The following MAGI2 variants were observed in gnomAD, a reference collection of about 807,000 sequenced individuals.
The protein encoded by MAGI2 is membrane associated guanylate kinase, WW and PDZ domain containing 2.
A neutral mutation model predicts 133.3 loss-of-function variants in MAGI2; 35 were observed. The observed-to-expected ratio is 0.26, with a 90% confidence interval of 0.20 to 0.35. The LOEUF (loss-of-function observed/expected upper bound fraction) is 0.35. MAGI2 is among the 10% of genes least tolerant of loss of function. The probability of loss-of-function intolerance (pLI) is 1.00; values close to 1 mark genes in which losing one functional copy is unlikely to be tolerated. For missense variants in MAGI2, 1,636 were observed against 1,863.4 expected (o/e 0.88, Z 2.25); for synonymous variants, 729 against 710.6 (o/e 1.03, Z -0.41).
chr7:79,178,179 T>C (rs896792397), intron 1 of MAGI2, among the ~76,000 whole-genome samples: 1 of 152,014 alleles, frequency 6.6e-6, no homozygotes, highest in African/African-American at 2.4e-5. Context: ...CCTTATTTTG[T>C]ACTGGCTACA....
chr7:78,847,039 A>G (rs564796865), intron 2 of MAGI2, among the ~76,000 whole-genome samples: 20 of 152,124 alleles, frequency 1.3e-4, no homozygotes, highest in African/African-American at 4.8e-4. Context: ...TGCTATTTAT[A>G]ATTGACATTC....
At chr7:78,788,752 C>T (rs1387287824) in intron 2 of MAGI2, among the ~76,000 whole-genome samples, 3 of 152,148 alleles carry the variant, frequency 2.0e-5, no homozygotes, top group Admixed American at 6.5e-5. Context: ...CTAATAACTC[C>T]GTTTAAGTCC....
chr7:78,854,672 A>G (rs1793471842), intron 2 of MAGI2, among the ~76,000 whole-genome samples: 1 of 150,078 alleles, frequency 6.7e-6, no homozygotes, highest in Admixed American at 6.6e-5. Flanking sequence ...TTATTACAAG[A>G]TATTTTATTA....
chr7:79,304,773 G>A (rs991976701), intron 1 of MAGI2, among the ~76,000 whole-genome samples: 11 of 152,204 alleles, frequency 7.2e-5, no homozygotes, highest in Non-Finnish European at 1.0e-4. Context: ...ATCTCTTAGT[G>A]GGGCAAAGCC....
intron 9 of MAGI2, among the ~76,000 whole-genome samples, chr7:78,293,306 T>C (rs1190610326): frequency 2.0e-5 from 3 of 152,162 alleles, no homozygotes; most frequent in Non-Finnish European, 2.9e-5. Flanking sequence ...AAGGAAGACA[T>C]TTATGCAGCC....
intron 1 of MAGI2, among the ~76,000 whole-genome samples, chr7:79,279,070 A>G (rs1048493123): frequency 6.6e-5 from 10 of 152,074 alleles, no homozygotes; most frequent in African/African-American, 1.4e-4. Context: ...TTGCTGCTCA[A>G]TCTAAAGGAA....
At chr7:78,964,682 T>C (rs1803153596) in intron 2 of MAGI2, among the ~76,000 whole-genome samples, 1 of 152,062 alleles carries the variant, frequency 6.6e-6, no homozygotes, top group African/African-American at 2.4e-5. Context: ...TAATTTTTAG[T>C]ATCTTGTTGA....
At chr7:78,365,520 G>A (rs1234676731) in intron 7 of MAGI2, among the ~76,000 whole-genome samples, 1 of 152,128 alleles carries the variant, frequency 6.6e-6, no homozygotes, top group Middle Eastern at 3.2e-3. Context: ...TCTTTAGCCA[G>A]GGTTTCCTCA....
intron 10 of MAGI2, among the ~76,000 whole-genome samples, chr7:78,222,546 A>G (rs930770519): frequency 2.0e-5 from 3 of 152,212 alleles, no homozygotes; most frequent in Admixed American, 2.0e-4. Flanking sequence ...TCACACAGTC[A>G]CTAGGTGGCA....
chr7:78,685,631 A>G (rs953173815), intron 2 of MAGI2, among the ~76,000 whole-genome samples: 3 of 141,228 alleles, frequency 2.1e-5, no homozygotes, highest in Non-Finnish European at 4.6e-5. Flanking sequence ...GTCATTATAT[A>G]TACGTAACCT....
At chr7:78,827,816 C>T (rs1334997110) in intron 2 of MAGI2, among the ~76,000 whole-genome samples, 1 of 152,056 alleles carries the variant, frequency 6.6e-6, no homozygotes, top group Non-Finnish European at 1.5e-5. Flanking sequence ...CAACTATATA[C>T]AGAAGAATTC....
chr7:79,425,877 C>T (rs1041334919), intron 1 of MAGI2, among the ~76,000 whole-genome samples: 5 of 151,986 alleles, frequency 3.3e-5, no homozygotes, highest in African/African-American at 1.2e-4. Flanking sequence ...AAGCATTGTG[C>T]AGATTGTTTA....
At chr7:78,746,820 C>A (rs149422203) in intron 2 of MAGI2, among the ~76,000 whole-genome samples, 1 of 152,214 alleles carries the variant, frequency 6.6e-6, no homozygotes, top group East Asian at 1.9e-4. Context: ...CTTCCCACCC[C>A]CAATTCTCTC....
chr7:78,317,809 G>A (rs949221427), intron 9 of MAGI2, among the ~76,000 whole-genome samples: 21 of 152,328 alleles, frequency 1.4e-4, no homozygotes, highest in African/African-American at 3.6e-4. Flanking sequence ...AGCAATCTTC[G>A]CTGTTCTGTA....
At chr7:79,032,999 A>C (rs1486533198) in intron 1 of MAGI2, among the ~76,000 whole-genome samples, 1 of 152,122 alleles carries the variant, frequency 6.6e-6, no homozygotes, top group Non-Finnish European at 1.5e-5. Flanking sequence ...TAAGTACATG[A>C]GTTGTCCAAA....
chr7:79,336,409 GATCT>G (rs1313699910), intron 1 of MAGI2, among the ~76,000 whole-genome samples: 1 of 151,810 alleles, frequency 6.6e-6, no homozygotes, highest in Non-Finnish European at 1.5e-5. Context: ...AAACTAGGAT[GATCT>G]ATCTAACAAT....
At chr7:78,633,635 G>A (rs906994305) in intron 2 of MAGI2, among the ~76,000 whole-genome samples, 2 of 151,362 alleles carry the variant, frequency 1.3e-5, no homozygotes, top group African/African-American at 4.9e-5. Context: ...GAACCCGGAA[G>A]GCGGAGCTTG....
intron 3 of MAGI2, among the ~76,000 whole-genome samples, chr7:78,550,890 C>T (rs1479430411): frequency 2.0e-5 from 3 of 150,922 alleles, no homozygotes; most frequent in Admixed American, 1.3e-4. Flanking sequence ...TTATACAGAA[C>T]TTCTTCTAAG....
chr7:79,010,098 T>TATATATACAC (rs1446898120), intron 1 of MAGI2, among the ~76,000 whole-genome samples: 8 of 152,078 alleles, frequency 5.3e-5, no homozygotes, highest in Non-Finnish European at 1.2e-4. Context: ...TTTGTGTATG[T>TATATATACAC]ATATATACAC....
Sources: gnomAD v4.1 joint callset for allele counts (sites outside exome capture counted in the v4.1 genomes callset) on GRCh38, gnomAD v4.1.1 for gene constraint, MANE v1.5 for transcripts, NCBI Gene and HGNC (gene_info 2026-07-23, HGNC 2026-07-21) for gene names.